CNNM2: variants seen among roughly 807,000 people sequenced by gnomAD.
The protein encoded by CNNM2 is metal transporter CNNM2.
A neutral mutation model predicts 66.9 loss-of-function variants in CNNM2; 12 were observed. The ratio of observed to expected loss-of-function variants is 0.18; its 90% CI spans 0.11 to 0.29. The LOEUF is 0.29. CNNM2 is among the 10% of genes least tolerant of loss of function. The probability of loss-of-function intolerance (pLI) is 1.00; values close to 1 mark genes in which losing one functional copy is unlikely to be tolerated. For missense variants in CNNM2, 705 were observed against 1,167.7 expected (o/e 0.60, Z 5.77); for synonymous variants, 557 against 501.8 (o/e 1.11, Z -1.47).
intron 1 of CNNM2, among the ~76,000 whole-genome samples, chr10:103,002,441 G>T (rs1435915922): frequency 6.6e-6 from 1 of 150,888 alleles, no homozygotes; most frequent in Non-Finnish European, 1.5e-5. Context: ...AAGATAACAA[G>T]CCTGGGCTGG....
chr10:102,919,102 A>G lies in CNNM2; in HGVS notation c.622A>G (p.Thr208Ala), dbSNP rs1260155959. 4 of 1,611,114 alleles carry G rather than the reference A, an allele frequency of 2.5e-6. No individual in the cohort carries two copies. In the East Asian group the frequency reaches 8.9e-5, roughly 36 times the overall value. ...PALGAGGSGS[T>A]GGAVGGKGGS... ...CCTGGGCGCCGGCGGCTCGGGGTCC[A>G]CGGGTGGCGCCGTCGGGGGCAAGGG... The change falls in exon 1 of 8, where the codon ACG (threonine) becomes GCG (alanine). Residue 208 changes from threonine (T) to alanine (A), a missense_variant. Coordinates refer to ENST00000369878, the MANE Select transcript of CNNM2 (RefSeq NM_017649.5).
rs1351859895 is a variant in CNNM2, at chr10:102,932,914, C to T, written c.1621+12813C>T. On this transcript the variant is annotated intron_variant, in intron 1 of 7. Transcript: ENST00000369878. ...GCTGGGTGACAGAGCAAGACTCTGT[C>T]TCAAAAAAAAAAAAAAAAAAAAAAT... Among the ~76,000 whole-genome samples, 10 of 123,684 alleles carry T rather than the reference C, an allele frequency of 8.1e-5. No individual in the cohort carries two copies. In the South Asian group the frequency reaches 2.0e-3, roughly 25 times the overall value. 81.1% of individuals were successfully genotyped at this position (123,684 alleles called of 152,430 possible).
chr10:103,039,007 AAAAG>A (rs758116211), intron 1 of CNNM2, among the ~76,000 whole-genome samples: 70 of 152,324 alleles, frequency 4.6e-4, no homozygotes, highest in Non-Finnish European at 8.8e-4. Context: ...ACTTAAAAAA[AAAAG>A]AAGATACACA....
At chr10:103,040,459 C>A (rs2065019939) in intron 1 of CNNM2, among the ~76,000 whole-genome samples, 1 of 151,992 alleles carries the variant, frequency 6.6e-6, no homozygotes. Context: ...GCCCTAGGAA[C>A]ATTTTCTCCT....
intron 1 of CNNM2, among the ~76,000 whole-genome samples, chr10:102,967,619 G>A (rs970252759): frequency 4.6e-5 from 7 of 152,164 alleles, no homozygotes; most frequent in African/African-American, 1.7e-4. Context: ...CCTTTATGCC[G>A]ATTAATTGTA....
intron 4 of CNNM2, among the ~76,000 whole-genome samples, chr10:103,061,924 A>G (rs180812262): frequency 1.8e-3 from 281 of 152,328 alleles, no homozygotes; most frequent in African/African-American, 5.9e-3. Flanking sequence ...TTAAGCATCT[A>G]TTACTGATTT....
At chr10:103,049,961 G>A (rs962267293) in intron 2 of CNNM2, 111 bp downstream of exon 2, 2 of 1,021,410 alleles carry the variant, frequency 2.0e-6, no homozygotes, top group East Asian at 4.9e-5. Context: ...AATGACACAT[G>A]ATGTGTGTAG....
Position 103,077,213 on chromosome 10 carries a change from C to T in CNNM2, c.*33C>T. Reference sequence around the variant, plus strand: ...TGGCTGCACCCGCCCAGGCCCGCACCCGCCCAGTCCCGAGGGCCCGGCCCT... The same window carrying T: ...TGGCTGCACCCGCCCAGGCCCGCACTCGCCCAGTCCCGAGGGCCCGGCCCT... On this transcript the variant is annotated 3_prime_UTR_variant, in exon 8 of 8. Coordinates refer to ENST00000369878, the MANE Select transcript of CNNM2 (RefSeq NM_017649.5). 6.3e-7 allele frequency: 1 copy of T among 1,592,896 alleles called. No homozygotes were observed. Among genetic ancestry groups the T allele is most frequent in the Non-Finnish European group, 8.6e-7 (1 of 1,167,178 alleles).
At chr10:102,968,338 C>T (rs1229455310) in intron 1 of CNNM2, among the ~76,000 whole-genome samples, 1 of 152,194 alleles carries the variant, frequency 6.6e-6, no homozygotes, top group South Asian at 2.1e-4. Context: ...CCTCTGCCTC[C>T]TGGGTTCAAG....
rs2065588081 is a variant in CNNM2 at position 103,071,802 on chromosome 10, T to C, written c.2196T>C (p.Val732=). ...PVPLSLSRTF[V]VSRTELLAAG... ...CTTTGTCCCTGTCTCGTACCTTTGT[T>C]GTCAGCAGAACAGAGTTGTTAGCAG... is the stretch of plus-strand genomic sequence containing the variant. Residue 732 remains valine (V), a synonymous_variant, in exon 6 of 8, where the codon GTT becomes GTC. Transcript: ENST00000369878. 8 of 1,613,912 alleles carry C rather than the reference T, an allele frequency of 5.0e-6. No homozygotes were observed. Among genetic ancestry groups the C allele is most frequent in the Non-Finnish European group, 6.8e-6 (8 of 1,179,894 alleles).
chr10:102,933,190 T>C (rs1418825313), intron 1 of CNNM2, among the ~76,000 whole-genome samples: 2 of 152,170 alleles, frequency 1.3e-5, no homozygotes, highest in African/African-American at 4.8e-5. Flanking sequence ...GGAATTTACA[T>C]AGGGGCATTG....
chr10:103,085,678 G>A lies in CNNM2; in HGVS notation c.*8498G>A, dbSNP rs1343830759. The A allele has an allele frequency of 6.6e-6, 1 of 152,140 alleles. No individual in the cohort carries two copies. The highest frequency in any genetic ancestry group is 1.5e-5 in the Non-Finnish European group (1 of 68,026). The allele number at this position is 152,140 out of a possible 1,614,324, so 9.4% of individuals were successfully genotyped here. A position where few individuals can be genotyped will look rare whatever the true frequency, so the allele number is the denominator to read the frequency against. ...CATCATTGTGTTTTAAATTTAAATT[G>A]GAAAACATAGATTCCTCATCCTTAA... On this transcript the variant is annotated 3_prime_UTR_variant, in exon 8 of 8. Transcript: ENST00000369878.
intron 1 of CNNM2, among the ~76,000 whole-genome samples, chr10:102,959,937 A>G (rs1345850276): frequency 6.6e-6 from 1 of 152,076 alleles, no homozygotes; most frequent in East Asian, 1.9e-4. Context: ...CTGTAGTCCC[A>G]GCTACTCAGG....
At chr10:103,006,549 G>C (rs1297700048) in intron 1 of CNNM2, among the ~76,000 whole-genome samples, 1 of 152,000 alleles carries the variant, frequency 6.6e-6, no homozygotes, top group Admixed American at 6.6e-5. Flanking sequence ...ATTGAAAAAG[G>C]CCTTATATTC....
intron 1 of CNNM2, among the ~76,000 whole-genome samples, chr10:102,936,180 C>T (rs1846234131): frequency 1.3e-5 from 2 of 152,068 alleles, no homozygotes; most frequent in South Asian, 4.1e-4. Context: ...TGACTCAACT[C>T]GGAGCCTCTG....
intron 1 of CNNM2, among the ~76,000 whole-genome samples, chr10:102,983,246 A>AAT (rs1482979805): frequency 6.6e-6 from 1 of 150,702 alleles, no homozygotes; most frequent in Admixed American, 6.6e-5. Context: ...TAAGGAGTAA[A>AAT]ATATATGCTA....
rs2065738312 is a variant in CNNM2, at chr10:103,079,702, C to T, written c.*2522C>T. The T allele has an allele frequency of 6.6e-6, 1 of 152,188 alleles. No individual in the cohort carries two copies. The highest frequency in any genetic ancestry group is 1.5e-5 in the Non-Finnish European group (1 of 68,042). The allele number at this position is 152,188 out of a possible 1,614,324, so 9.4% of individuals were successfully genotyped here. A position where few individuals can be genotyped will look rare whatever the true frequency, so the allele number is the denominator to read the frequency against. On this transcript the variant is annotated 3_prime_UTR_variant, in exon 8 of 8. Coordinates refer to ENST00000369878, the MANE Select transcript of CNNM2 (RefSeq NM_017649.5). ...TCCCAAAGGATGAAATTTTAGCCGCCAAGTTCGTATTCATTTTCTGTTATT... is the reference window on the plus strand; with the variant it reads ...TCCCAAAGGATGAAATTTTAGCCGCTAAGTTCGTATTCATTTTCTGTTATT...
In CNNM2 at chr10:103,079,204, CACA is replaced by C. The variant is rs953898347; in HGVS notation, c.*2028_*2030del. On this transcript the variant is annotated 3_prime_UTR_variant, in exon 8 of 8. Coordinates refer to ENST00000369878, the MANE Select transcript of CNNM2 (RefSeq NM_017649.5). ...GTTTCTTAAGATGCCTCTCACTGAG[CACA>C]ACACCAGTGTGATGAGTGTATAAAG... 7.2e-5 allele frequency: 11 copies of C among 152,354 alleles called. No homozygotes were observed. Among genetic ancestry groups the C allele is most frequent in the African/African-American group, 2.4e-4 (10 of 41,572 alleles). 9.4% of individuals were successfully genotyped at this position (152,354 alleles called of 1,614,324 possible).
At chr10:102,920,376 ATTTT>A (rs752188951) in intron 1 of CNNM2, among the ~76,000 whole-genome samples, 1 of 143,430 alleles carries the variant, frequency 7.0e-6, no homozygotes, top group African/African-American at 2.5e-5. Context: ...ACACTTATTT[ATTTT>A]TTTTTTTTTG....
Sources: gnomAD v4.1 joint callset for allele counts (sites outside exome capture counted in the v4.1 genomes callset) on GRCh38, gnomAD v4.1.1 for gene constraint, MANE v1.5 for transcripts, NCBI Gene and HGNC (gene_info 2026-07-23, HGNC 2026-07-21) for gene names.